The following ZMYM2 variants were observed in gnomAD, a reference collection of about 807,000 sequenced individuals.
ZMYM2 encodes zinc finger MYM-type protein 2.
ZMYM2 carries 56 observed loss-of-function variants against 162.8 expected under a neutral mutation model. The observed-to-expected ratio is 0.34, with a 90% confidence interval of 0.28 to 0.43. ZMYM2 has a LOEUF of 0.43. Among genes scored for constraint, ZMYM2 ranks in the 20% least tolerant of loss-of-function variants. The pLI, the probability that ZMYM2 is intolerant of heterozygous loss-of-function variation, is 1.00. For missense variants in ZMYM2, 1,275 were observed against 1,621.8 expected (o/e 0.79, Z 3.67); for synonymous variants, 510 against 541.6 (o/e 0.94, Z 0.81).
the ZMYM2 span, among the ~76,000 whole-genome samples, chr13:19,900,839 C>T: frequency 2.0e-5 from 3 of 152,104 alleles, no homozygotes; most frequent in Non-Finnish European, 4.4e-5. Flanking sequence ...TGAGATCATC[C>T]TGGCTAACAC....
intron 7 of ZMYM2, among the ~76,000 whole-genome samples, chr13:20,023,459 C>T (rs1952295509): frequency 6.6e-6 from 1 of 152,100 alleles, no homozygotes; most frequent in African/African-American, 2.4e-5. Context: ...AAAATCGTGA[C>T]AGTTTTGACA....
the ZMYM2 span, among the ~76,000 whole-genome samples, chr13:19,892,788 C>T: frequency 2.9e-3 from 429 of 150,152 alleles, 3 homozygotes; most frequent in Non-Finnish European, 5.3e-3. Context: ...AATGTCAGCT[C>T]ACTGCAACCT....
At chr13:19,994,031 G>A in intron 3 of ZMYM2, 112 bp downstream of exon 3, 1 of 1,217,918 alleles carries the variant, frequency 8.2e-7, no homozygotes, top group Non-Finnish European at 1.1e-6. Flanking sequence ...TGTGAAATAT[G>A]TGAATTATAT....
At chr13:19,924,663 A>G in the ZMYM2 span, among the ~76,000 whole-genome samples, 1 of 152,148 alleles carries the variant, frequency 6.6e-6, no homozygotes, top group East Asian at 1.9e-4. Flanking sequence ...AAGGCTGAAT[A>G]CCATTCCATT....
At chr13:20,045,580 A>G (rs898065423) in intron 12 of ZMYM2, among the ~76,000 whole-genome samples, 1 of 152,196 alleles carries the variant, frequency 6.6e-6, no homozygotes, top group Non-Finnish European at 1.5e-5. Flanking sequence ...GCTTGATGTT[A>G]GTTTAGCACA....
upstream of ZMYM2, among the ~76,000 whole-genome samples, chr13:19,955,684 C>A (rs760099951): frequency 6.6e-6 from 1 of 152,016 alleles, no homozygotes; most frequent in Non-Finnish European, 1.5e-5. Context: ...TGCAGTGGTG[C>A]GCTCTCGGCT....
the ZMYM2 span, among the ~76,000 whole-genome samples, chr13:19,870,367 A>T: frequency 0.018 from 2,731 of 152,002 alleles, 83 homozygotes; most frequent in African/African-American, 0.062. Flanking sequence ...CAAACTCCTG[A>T]GCTCAAGCAA....
At position 20,086,190 on chromosome 13, in the gene ZMYM2, G is replaced by A; in HGVS notation, c.*176G>A. On this transcript the variant is annotated 3_prime_UTR_variant, in exon 25 of 25. Transcript: ENST00000610343. ...TGAGTGAAAGTTGCCATTATTCTATGTAGTGGTTTTAGGATACTTAACAAA... is the reference window on the plus strand; with the variant it reads ...TGAGTGAAAGTTGCCATTATTCTATATAGTGGTTTTAGGATACTTAACAAA... The A allele has an allele frequency of 1.9e-6, 1 of 514,596 alleles. No homozygotes were observed. The highest frequency in any genetic ancestry group is 3.3e-6 in the Non-Finnish European group (1 of 305,218). 31.9% of individuals were successfully genotyped at this position (514,596 alleles called of 1,614,324 possible). A position where few individuals can be genotyped will look rare whatever the true frequency, so the allele number is the denominator to read the frequency against.
intron 11 of ZMYM2, among the ~76,000 whole-genome samples, chr13:20,035,586 G>T (rs1407652853): frequency 6.6e-6 from 1 of 152,086 alleles, no homozygotes. Context: ...GTCATTAATT[G>T]TCTACCATTT....
intron 7 of ZMYM2, among the ~76,000 whole-genome samples, chr13:20,022,778 C>A (rs1452229159): frequency 1.3e-5 from 2 of 151,880 alleles, no homozygotes; most frequent in Admixed American, 1.3e-4. Flanking sequence ...ATAAATATTA[C>A]AATATTATGT....
chr13:20,036,605 G>A (rs1276396023), intron 11 of ZMYM2, 132 bp from the exon 12 acceptor site: 2 of 582,846 alleles, frequency 3.4e-6, no homozygotes, highest in Admixed American at 4.1e-5. Flanking sequence ...TTTATAGGTT[G>A]ATATTGATTA....
chr13:20,069,191 A>G (rs1956899820), intron 21 of ZMYM2, among the ~76,000 whole-genome samples: 1 of 152,112 alleles, frequency 6.6e-6, no homozygotes, highest in Non-Finnish European at 1.5e-5. Context: ...TTCTATATAC[A>G]CAATCATGTC....
upstream of ZMYM2, among the ~76,000 whole-genome samples, chr13:19,954,689 T>C (rs1174967223): frequency 1.3e-5 from 2 of 152,224 alleles, no homozygotes; most frequent in African/African-American, 4.8e-5. Context: ...TTGAATCCTA[T>C]GAGAAGCATC....
chr13:19,875,084 A>C, the ZMYM2 span, among the ~76,000 whole-genome samples: 2 of 152,204 alleles, frequency 1.3e-5, no homozygotes, highest in African/African-American at 4.8e-5. Context: ...CCAAAGGAAA[A>C]TAAATTGTTC....
At chr13:20,046,605 G>GTA (rs1486119466) in intron 12 of ZMYM2, among the ~76,000 whole-genome samples, 4 of 102,754 alleles carry the variant, frequency 3.9e-5, no homozygotes, top group African/African-American at 1.3e-4. Context: ...GTGTGTGTGT[G>GTA]TGTATATATA....
At chr13:19,899,111 C>T in the ZMYM2 span, among the ~76,000 whole-genome samples, 4 of 151,732 alleles carry the variant, frequency 2.6e-5, no homozygotes, top group East Asian at 1.9e-4. Flanking sequence ...TGCCACCACA[C>T]GGGGGTAATT....
At chr13:19,957,744 G>T (rs563697732), upstream of ZMYM2, among the ~76,000 whole-genome samples, 1 of 152,358 alleles carries the variant, frequency 6.6e-6, no homozygotes, top group East Asian at 1.9e-4. Flanking sequence ...CGGAGCACAG[G>T]ACGGCGGCGC....
At chr13:19,884,700 C>A in the ZMYM2 span, among the ~76,000 whole-genome samples, 2 of 152,224 alleles carry the variant, frequency 1.3e-5, no homozygotes, top group Admixed American at 6.5e-5. Flanking sequence ...TCGTTCCTTG[C>A]GGCGGATTCC....
At chr13:19,869,396 G>A in the ZMYM2 span, among the ~76,000 whole-genome samples, 1 of 152,066 alleles carries the variant, frequency 6.6e-6, no homozygotes, top group African/African-American at 2.4e-5. Context: ...AAGATATTCT[G>A]ACGTTCTTAT....
Sources: allele counts gnomAD v4.1 joint callset (sites outside exome capture counted in the v4.1 genomes callset), GRCh38; gene constraint gnomAD v4.1.1; transcripts MANE v1.5; gene names NCBI Gene and HGNC (gene_info 2026-07-23, HGNC 2026-07-21).